The following FBXO15 variants were observed in gnomAD, a reference collection of about 807,000 sequenced individuals.
FBXO15 encodes F-box protein 15.
Under a neutral mutation model 49.5 loss-of-function variants are expected in FBXO15, and 30 were observed. That is an observed-to-expected ratio of 0.61 (90% confidence interval 0.45 to 0.82). The LOEUF is 0.82. Among genes scored for constraint, FBXO15 ranks in the 40% least tolerant of loss-of-function variants. The pLI is 0.00. For missense variants in FBXO15, 591 were observed against 631.5 expected, an observed-to-expected ratio of 0.94 and a Z score of 0.69; for synonymous variants, 250 against 232.7, an observed-to-expected ratio of 1.07 and a Z score of -0.68.
In FBXO15 at chr18:74,075,073, C is replaced by T. The variant is rs1912205652; in HGVS notation, c.1264-1343G>A. 6.6e-6 allele frequency among the ~76,000 whole-genome samples: 1 copy of T among 152,196 alleles called. No homozygotes were observed. Among genetic ancestry groups the T allele is most frequent in the African/African-American group, 2.4e-5 (1 of 41,450 alleles). The stretch of plus-strand genomic sequence containing the variant: ...CCAAGCACAGCGGGAGGGCTGCACG[C>T]AGAGCTGCTGGGTGCCCATGCAGCT... On this transcript the variant is annotated intron_variant, in intron 9 of 9. Coordinates refer to ENST00000419743, the MANE Select transcript of FBXO15 (RefSeq NM_001142958.2). The surrounding 1 kb of genome is among the most constrained non-coding windows in gnomAD (Gnocchi z 4.1).
intron 8 of FBXO15, among the ~76,000 whole-genome samples, chr18:74,116,509 C>T (rs1182715296): frequency 2.0e-5 from 3 of 151,820 alleles, no homozygotes; most frequent in African/African-American, 7.3e-5. Flanking sequence ...ACAGAATGAC[C>T]AAATTCTGGC....
At chr18:74,093,263 T>TG (rs1555676377) in intron 8 of FBXO15, among the ~76,000 whole-genome samples, 65,653 of 122,612 alleles carry the variant, frequency 0.54, 18,790 homozygotes, top group South Asian at 0.68. Context: ...GGCAAAACAA[T>TG]GGGGGGGGGG....
At chr18:74,080,823 C>T (rs140568122) in intron 9 of FBXO15, among the ~76,000 whole-genome samples, 1 of 152,308 alleles carries the variant, frequency 6.6e-6, no homozygotes, top group African/African-American at 2.4e-5. Context: ...CTGCTCTCAT[C>T]TTTCTCTGGA....
chr18:74,112,828 G>T (rs1186978920), intron 8 of FBXO15, among the ~76,000 whole-genome samples: 1 of 152,232 alleles, frequency 6.6e-6, no homozygotes, highest in African/African-American at 2.4e-5. Flanking sequence ...AGACTGTGGA[G>T]CAACAGTAAC....
At position 74,081,930 on chromosome 18, in the gene FBXO15, T is replaced by C. The variant is rs1460107491; in HGVS notation, c.1260A>G (p.Ile420Met). ...AAGAAAACGGTTCTGTTTTTACCTT[T>C]ATACAGCCATCAAAAATATCAGTTT... Reference protein sequence around the residue: ...SWKTDIFDGCIKSCSMMDVTL... With the variant: ...SWKTDIFDGCMKSCSMMDVTL... The change falls in exon 9 of 10, where the codon ATA becomes ATG. Residue 420 changes from isoleucine to methionine, a missense_variant. By Grantham distance (10) the Ile-to-Met change is conservative. Coordinates refer to ENST00000419743, the MANE Select transcript of FBXO15 (RefSeq NM_001142958.2). 6.2e-7 allele frequency: 1 copy of C among 1,610,910 alleles called. No individual in the cohort carries two copies. The highest frequency in any genetic ancestry group is 1.3e-5 in the African/African-American group (1 of 74,886).
chr18:74,119,666 C>T (rs1914387804), intron 8 of FBXO15, among the ~76,000 whole-genome samples: 1 of 152,044 alleles, frequency 6.6e-6, no homozygotes, highest in African/African-American at 2.4e-5. Flanking sequence ...AGGGGCACAC[C>T]AAGAATGTGA....
In FBXO15 at chr18:74,075,954, G is replaced by C. The variant is rs1912239989; in HGVS notation, c.1264-2224C>G. Among the ~76,000 whole-genome samples the C allele has an allele frequency of 1.3e-5, 2 of 152,142 alleles. No homozygotes were observed. Among genetic ancestry groups the C allele is most frequent in the South Asian group, 4.1e-4 (2 of 4,828 alleles). On this transcript the variant is annotated intron_variant, in intron 9 of 9. Coordinates refer to ENST00000419743, the MANE Select transcript of FBXO15 (RefSeq NM_001142958.2). The surrounding 1 kb of genome is among the most constrained non-coding windows in gnomAD (Gnocchi z 4.1). ...GGCCGAACTTCTTTTCTAAGTTCAA[G>C]ACCTAAATATTCAAGTGCGTACTCA... is the stretch of plus-strand genomic sequence containing the variant.
chr18:74,130,637 G>A lies in FBXO15; in HGVS notation c.354C>T (p.Tyr118=). 3 of 1,613,602 alleles carry A rather than the reference G, an allele frequency of 1.9e-6. No individual in the cohort carries two copies. The highest frequency in any genetic ancestry group is 2.5e-6 in the Non-Finnish European group (3 of 1,179,776). ...ATCTTGCAGGTGAAAAAGCAGTTGA[G>A]TAGATTCCGATCCAAATAAAACTGG... ...ANDNFIWIGI[Y]STAFSPARSN... is the part of the protein sequence containing the mutation. The change falls in exon 4 of 10, where the codon TAC becomes TAT. Residue 118 remains tyrosine (Y), a synonymous_variant. Transcript: ENST00000419743.
intron 8 of FBXO15, among the ~76,000 whole-genome samples, chr18:74,108,295 T>A (rs947250791): frequency 3.3e-4 from 50 of 151,948 alleles, no homozygotes; most frequent in African/African-American, 1.1e-3. Flanking sequence ...TAAAAAAAAT[T>A]TTTTAAAAAA....
intron 8 of FBXO15, among the ~76,000 whole-genome samples, chr18:74,120,328 A>T (rs1020343021): frequency 6.6e-6 from 1 of 152,218 alleles, no homozygotes; most frequent in African/African-American, 2.4e-5. Context: ...GGTATTACCT[A>T]ATTAATATTT....
intron 8 of FBXO15, among the ~76,000 whole-genome samples, chr18:74,089,129 T>C (rs539395825): frequency 2.0e-5 from 3 of 152,212 alleles, no homozygotes; most frequent in Admixed American, 1.3e-4. Context: ...TGCTCTCTCT[T>C]TCCACACACA....
At position 74,100,826 on chromosome 18, in the gene FBXO15, C is replaced by T. The variant is rs994058875; in HGVS notation, c.1139-18775G>A. On this transcript the variant is annotated intron_variant, in intron 8 of 9. Transcript: ENST00000419743. ...AACCTAGGTGAGATGGATAAATTCCCGGAAAGATACAACCCTCCTAGCTTA... is the reference window on the plus strand; with the variant it reads ...AACCTAGGTGAGATGGATAAATTCCTGGAAAGATACAACCCTCCTAGCTTA... 7.2e-5 allele frequency among the ~76,000 whole-genome samples: 11 copies of T among 151,906 alleles called. No individual in the cohort carries two copies. In the East Asian group the frequency reaches 9.6e-4, roughly 13 times the overall value.
intron 2 of FBXO15, among the ~76,000 whole-genome samples, chr18:74,137,187 T>C (rs1444899639): frequency 1.3e-5 from 2 of 150,938 alleles, no homozygotes; most frequent in African/African-American, 4.8e-5. Flanking sequence ...ATTAATTAAA[T>C]CAGTCCCCAA....
chr18:74,089,849 G>C (rs1052597777), intron 8 of FBXO15, among the ~76,000 whole-genome samples: 1 of 152,094 alleles, frequency 6.6e-6, no homozygotes, highest in Admixed American at 6.5e-5. Flanking sequence ...TGGCATCTAT[G>C]TTCATCAAGG....
Position 74,131,509 on chromosome 18 carries a change from A to C in FBXO15, c.333-851T>G, listed in dbSNP as rs146106945. On this transcript the variant is annotated intron_variant, in intron 3 of 9. Transcript: ENST00000419743. ...AGCTCCCCAAATTCAGAGAGCCAAT[A>C]AGCCTCAATGTTGGAATTCAAATTC... Among the ~76,000 whole-genome samples the C allele has an allele frequency of 3.0e-4, 45 of 152,330 alleles. No individual in the cohort carries two copies. The East Asian group carries it at 8.7e-3, about 29-fold the overall frequency.
chr18:74,086,571 T>C lies in FBXO15; in HGVS notation c.1139-4520A>G, dbSNP rs370570045. 2.1e-4 allele frequency among the ~76,000 whole-genome samples: 32 copies of C among 152,264 alleles called. 1 individual carries two copies. The South Asian group carries it at 3.1e-3, about 15-fold the overall frequency. Reference sequence around the variant, plus strand: ...GACTACAGGCGCCCGCCACCACGCCTGACTAATTTTTTGTATTTTTAGTAG... The same window carrying C: ...GACTACAGGCGCCCGCCACCACGCCCGACTAATTTTTTGTATTTTTAGTAG... On this transcript the variant is annotated intron_variant, in intron 8 of 9. Transcript: ENST00000419743.
intron 6 of FBXO15, among the ~76,000 whole-genome samples, chr18:74,125,238 AC>A (rs963080224): frequency 6.6e-6 from 1 of 152,172 alleles, no homozygotes; most frequent in African/African-American, 2.4e-5. Flanking sequence ...CATGCGAGTC[AC>A]CGAATGCAGA....
At chr18:74,111,285 A>C (rs1914020936) in intron 8 of FBXO15, among the ~76,000 whole-genome samples, 1 of 151,772 alleles carries the variant, frequency 6.6e-6, no homozygotes, top group South Asian at 2.1e-4. Context: ...AAAAGAAAAA[A>C]AAACATAAAA....
chr18:74,078,856 C>G (rs1267065423), intron 9 of FBXO15, among the ~76,000 whole-genome samples: 1 of 152,174 alleles, frequency 6.6e-6, no homozygotes, highest in Non-Finnish European at 1.5e-5. Context: ...AGCACTCGCA[C>G]GTGTGGGACT....
Sources: gnomAD v4.1 joint callset for allele counts (sites outside exome capture counted in the v4.1 genomes callset) on GRCh38, gnomAD v4.1.1 for gene constraint, Gnocchi (gnomAD v3.1) non-coding constraint, MANE v1.5 for transcripts, NCBI Gene and HGNC (gene_info 2026-07-23, HGNC 2026-07-21) for gene names.